The following PPM1L variants were observed in gnomAD, a reference collection of about 807,000 sequenced individuals.
PPM1L encodes the protein protein phosphatase, Mg2+/Mn2+ dependent 1L.
In PPM1L, 13 loss-of-function variants were observed where a neutral mutation model predicts 31.4. That is an observed-to-expected ratio of 0.41 (90% confidence interval 0.27 to 0.66). PPM1L has a LOEUF of 0.66. Ranked by LOEUF, PPM1L falls within the 30% of genes least tolerant of loss-of-function variation. The pLI, the probability that PPM1L is intolerant of heterozygous loss-of-function variation, is 0.29. For synonymous variants in PPM1L, 184 were observed against 175.4 expected, an observed-to-expected ratio of 1.05 and a Z score of -0.39; for missense variants, 326 against 453.7, an observed-to-expected ratio of 0.72 and a Z score of 2.56.
Position 161,074,347 on chromosome 3 carries a change from A to G in PPM1L, c.*5190A>G, listed in dbSNP as rs1416442508. On this transcript the variant is annotated 3_prime_UTR_variant, in exon 4 of 4. Transcript: ENST00000498165. ...ACAGTAGTTACTCTTGGCTGCAGAAATAGGTTTGGGAAGCTATGAGAGATT... is the reference window on the plus strand; with the variant it reads ...ACAGTAGTTACTCTTGGCTGCAGAAGTAGGTTTGGGAAGCTATGAGAGATT... 2 of 152,198 alleles carry G rather than the reference A, an allele frequency of 1.3e-5. No individual in the cohort carries two copies. The highest frequency in any genetic ancestry group is 4.8e-5 in the African/African-American group (2 of 41,434). 9.4% of individuals were successfully genotyped at this position (152,198 alleles called of 1,614,324 possible).
chr3:161,038,276 G>T (rs1322869069), intron 2 of PPM1L, among the ~76,000 whole-genome samples: 2 of 151,234 alleles, frequency 1.3e-5, no homozygotes, highest in East Asian at 3.9e-4. Flanking sequence ...GTTGGTTGTA[G>T]GTTGCAAATA....
intron 2 of PPM1L, among the ~76,000 whole-genome samples, chr3:161,042,077 C>T (rs1718928377): frequency 6.6e-6 from 1 of 152,202 alleles, no homozygotes; most frequent in African/African-American, 2.4e-5. Context: ...CCCCACCACC[C>T]TTGGCTAACT....
chr3:160,890,395 C>T (rs1439770777), intron 1 of PPM1L, among the ~76,000 whole-genome samples: 1 of 151,976 alleles, frequency 6.6e-6, no homozygotes, highest in Admixed American at 6.6e-5. Context: ...CAAATTGCTA[C>T]AAAGAGAATA....
intron 1 of PPM1L, among the ~76,000 whole-genome samples, chr3:160,789,595 A>G (rs1443208891): frequency 2.0e-5 from 3 of 152,050 alleles, no homozygotes; most frequent in African/African-American, 7.2e-5. Flanking sequence ...ATAATTATAC[A>G]TATGTTAATT....
intron 1 of PPM1L, among the ~76,000 whole-genome samples, chr3:160,936,217 G>T (rs1456379312): frequency 6.6e-6 from 1 of 152,092 alleles, no homozygotes; most frequent in Admixed American, 6.6e-5. Context: ...AGCCTCCTGA[G>T]TAGCTGGGAT....
chr3:160,822,101 C>G (rs1304851440), intron 1 of PPM1L, among the ~76,000 whole-genome samples: 2 of 151,886 alleles, frequency 1.3e-5, no homozygotes, highest in Admixed American at 6.6e-5. Flanking sequence ...AGTTTTTGTA[C>G]TTTTTTGTAG....
chr3:160,812,112 T>C (rs1488043788), intron 1 of PPM1L, among the ~76,000 whole-genome samples: 3 of 152,254 alleles, frequency 2.0e-5, no homozygotes, highest in South Asian at 2.1e-4. Flanking sequence ...CCATGCTCTT[T>C]AGCTGCCTAA....
intron 2 of PPM1L, among the ~76,000 whole-genome samples, chr3:160,965,083 C>G (rs1304515446): frequency 1.3e-5 from 2 of 151,762 alleles, no homozygotes; most frequent in Non-Finnish European, 2.9e-5. Flanking sequence ...AACCCCATCT[C>G]TACTAAAAAT....
At chr3:161,010,470 G>C (rs1195667577) in intron 2 of PPM1L, among the ~76,000 whole-genome samples, 1 of 152,160 alleles carries the variant, frequency 6.6e-6, no homozygotes, top group African/African-American at 2.4e-5. Context: ...TGTGAATAGT[G>C]CTGCAATAAA....
At chr3:160,828,021 A>G (rs957309147) in intron 1 of PPM1L, among the ~76,000 whole-genome samples, 1 of 151,934 alleles carries the variant, frequency 6.6e-6, no homozygotes, top group African/African-American at 2.4e-5. Context: ...TTCACTTGCT[A>G]TTTTGAGGAG....
chr3:160,829,991 G>T (rs1713476518), intron 1 of PPM1L, among the ~76,000 whole-genome samples: 1 of 152,284 alleles, frequency 6.6e-6, no homozygotes. Context: ...AAACAAAGTG[G>T]ATTGGTCTGT....
intron 1 of PPM1L, among the ~76,000 whole-genome samples, chr3:160,821,430 A>T (rs577535257): frequency 2.6e-5 from 4 of 152,126 alleles, no homozygotes; most frequent in Admixed American, 2.6e-4. Context: ...TAATTTCTGC[A>T]GTTTAAAAAA....
intron 2 of PPM1L, among the ~76,000 whole-genome samples, chr3:161,061,908 G>T (rs1352246195): frequency 1.3e-5 from 2 of 152,196 alleles, no homozygotes; most frequent in Admixed American, 6.5e-5. Flanking sequence ...GGCATTTATT[G>T]TCTCATTGAA....
chr3:161,031,869 G>A (rs777884098), intron 2 of PPM1L, among the ~76,000 whole-genome samples: 6 of 152,008 alleles, frequency 3.9e-5, no homozygotes, highest in African/African-American at 1.2e-4. Flanking sequence ...TAACTTACCC[G>A]CTAATGATGC....
chr3:161,066,451 G>C (rs1162930623), intron 3 of PPM1L, among the ~76,000 whole-genome samples: 1 of 152,360 alleles, frequency 6.6e-6, no homozygotes, highest in East Asian at 1.9e-4. Context: ...GGAAAGACAT[G>C]AAGCAGGTAA....
At chr3:160,898,892 G>A (rs1713436518) in intron 1 of PPM1L, among the ~76,000 whole-genome samples, 3 of 152,168 alleles carry the variant, frequency 2.0e-5, no homozygotes, top group Admixed American at 2.0e-4. Flanking sequence ...AAGTTAACAT[G>A]CTCAAGATTA....
At chr3:160,960,088 G>A (rs559336706) in intron 1 of PPM1L, among the ~76,000 whole-genome samples, 98 of 151,480 alleles carry the variant, frequency 6.5e-4, no homozygotes, top group Middle Eastern at 6.9e-3. Flanking sequence ...TTTTCCAAAG[G>A]CTATAGAGGA....
chr3:160,824,474 G>T (rs1713299783), intron 1 of PPM1L, among the ~76,000 whole-genome samples: 1 of 152,130 alleles, frequency 6.6e-6, no homozygotes, highest in Non-Finnish European at 1.5e-5. Flanking sequence ...GTATGATTAG[G>T]GCAGGGAATT....
At chr3:160,872,333 C>A (rs967458432) in intron 1 of PPM1L, among the ~76,000 whole-genome samples, 1 of 152,136 alleles carries the variant, frequency 6.6e-6, no homozygotes, top group Non-Finnish European at 1.5e-5. Context: ...TATTTTCTTT[C>A]TTCTTTTTGC....
Sources: allele counts gnomAD v4.1 joint callset (sites outside exome capture counted in the v4.1 genomes callset), GRCh38; gene constraint gnomAD v4.1.1; transcripts MANE v1.5; gene names NCBI Gene and HGNC (gene_info 2026-07-23, HGNC 2026-07-21).